Variants in DRC3 observed in about 807,000 individuals in gnomAD.
DRC3 encodes dynein regulatory complex subunit 3, also known as leucine rich repeat containing 48.
In DRC3, 45 loss-of-function variants were observed where a neutral mutation model predicts 57.6. The observed-to-expected ratio is 0.78, with a 90% CI of 0.62 to 1.00. The LOEUF (loss-of-function observed/expected upper bound fraction) is 1.00. DRC3 is among the 50% of genes least tolerant of loss of function. The pLI, the probability that DRC3 is intolerant of heterozygous loss-of-function variation, is 0.00. For synonymous variants in DRC3, 257 were observed against 272.3 expected (o/e 0.94, Z 0.55); for missense variants, 655 against 675.2 (o/e 0.97, Z 0.33).
intron 12 of DRC3, chr17:18,007,434 G>A (rs940339235): frequency 6.4e-7 from 1 of 1,551,344 alleles, no homozygotes; most frequent in African/African-American, 1.4e-5. Context: ...GGAGGCTTCT[G>A]GCACTTTCTA....
intron 9 of DRC3, among the ~76,000 whole-genome samples, chr17:17,999,535 C>T (rs922949678): frequency 6.6e-6 from 1 of 152,218 alleles, no homozygotes; most frequent in Non-Finnish European, 1.5e-5. Context: ...ACGCTCCTCC[C>T]ACTCATCCCC....
At chr17:17,987,882 C>G in intron 4 of DRC3, 50 bp from the exon 5 acceptor site, 1 of 1,591,816 alleles carries the variant, frequency 6.3e-7, no homozygotes, top group East Asian at 2.2e-5. Context: ...TCAGGACAGC[C>G]CATCCCCTGA....
chr17:17,979,693 C>G (rs779651316), intron 3 of DRC3, among the ~76,000 whole-genome samples: 2 of 152,182 alleles, frequency 1.3e-5, no homozygotes, highest in Non-Finnish European at 2.9e-5. Context: ...GCAGGAGCCA[C>G]AGGGGGAGTG....
At chr17:18,000,103 T>A (rs1050651115) in intron 9 of DRC3, among the ~76,000 whole-genome samples, 21 of 147,848 alleles carry the variant, frequency 1.4e-4, no homozygotes, top group African/African-American at 5.4e-4. Context: ...TGTGTGTGTG[T>A]GTGAGCATAG....
chr17:18,009,685 A>G (rs1222110685), intron 12 of DRC3, among the ~76,000 whole-genome samples: 1 of 152,202 alleles, frequency 6.6e-6, no homozygotes, highest in African/African-American at 2.4e-5. Flanking sequence ...ACTGTATAGC[A>G]AGATGGGGAT....
intron 3 of DRC3, 124 bp from the exon 4 acceptor site, chr17:17,983,704 C>T (rs554926567): frequency 5.3e-5 from 34 of 643,784 alleles, no homozygotes; most frequent in South Asian, 2.7e-4. Flanking sequence ...AGGGTGCCTG[C>T]GTACTCCAGG....
At chr17:17,973,533 G>T (rs896273091) in intron 1 of DRC3, 4 of 152,144 alleles carry the variant, frequency 2.6e-5, no homozygotes, top group African/African-American at 9.7e-5. Flanking sequence ...GAGCTTACAT[G>T]TACTTAAATA....
intron 3 of DRC3, among the ~76,000 whole-genome samples, chr17:17,983,025 A>T (rs2042782199): frequency 6.6e-6 from 1 of 152,170 alleles, no homozygotes; most frequent in African/African-American, 2.4e-5. Flanking sequence ...TACAGTACAT[A>T]TTTACTTATA....
intron 5 of DRC3, chr17:17,988,397 G>A: frequency 5.3e-6 from 2 of 374,404 alleles, no homozygotes; most frequent in Non-Finnish European, 1.0e-5. Flanking sequence ...TGTTAGTGTT[G>A]GGCGTATGTC....
intron 11 of DRC3, 42 bp from the exon 12 acceptor site, chr17:18,006,982 G>A (rs752280795): frequency 6.8e-6 from 11 of 1,609,684 alleles, no homozygotes; most frequent in Middle Eastern, 1.6e-4. Context: ...GGGACGCGCC[G>A]GGCCTGCTCC....
At chr17:18,011,413 A>G (rs968702906) in intron 12 of DRC3, 22 of 291,522 alleles carry the variant, frequency 7.5e-5, no homozygotes, top group Non-Finnish European at 1.4e-4. Context: ...CAGAGGGATC[A>G]CTGTCCTGAC....
At chr17:17,993,201 G>C (rs2145329868) in intron 6 of DRC3, 1 of 282,016 alleles carries the variant, frequency 3.5e-6, no homozygotes. Context: ...AGAAGCTGAG[G>C]AGGGCTGGGA....
chr17:18,003,823 T>C (rs2043843872), intron 9 of DRC3, among the ~76,000 whole-genome samples: 1 of 150,630 alleles, frequency 6.6e-6, no homozygotes, highest in East Asian at 2.0e-4. Flanking sequence ...TTTTTTTTTT[T>C]TGTATTTTTA....
intron 12 of DRC3, chr17:18,007,651 G>A: frequency 1.5e-6 from 2 of 1,377,984 alleles, no homozygotes; most frequent in Non-Finnish European, 1.9e-6. Context: ...TCCATCCCTG[G>A]GGTCTGCACG....
chr17:17,984,371 G>T (rs942037106), intron 4 of DRC3, among the ~76,000 whole-genome samples: 2 of 152,040 alleles, frequency 1.3e-5, no homozygotes, highest in Non-Finnish European at 2.9e-5. Context: ...ATGCTAAGTG[G>T]GGCCTATATG....
chr17:18,007,023 C>T lies in DRC3; in HGVS notation c.1203-1C>T, dbSNP rs528447711. ...GGCCTTTGCTTAACTCGGGGCTGCA[C>T]GATGGCTCAGTGCCGGGACCTGGAG... On this transcript the variant is annotated splice_acceptor_variant, in intron 11 of 13. Transcript: ENST00000399187. LOFTEE classifies it high-confidence loss of function. The T allele has an allele frequency of 1.2e-5, 19 of 1,613,082 alleles. No individual in the cohort carries two copies. In the African/African-American group the frequency reaches 1.7e-4, roughly 15 times the overall value.
intron 9 of DRC3, among the ~76,000 whole-genome samples, chr17:18,001,559 G>A (rs1213213995): frequency 5.3e-5 from 8 of 152,126 alleles, no homozygotes; most frequent in African/African-American, 1.9e-4. Flanking sequence ...TTGTGTCAGT[G>A]AAATGAATGG....
rs1182336012 is a variant in DRC3, at chr17:17,987,919, C to T, written c.278-13C>T. The T allele has an allele frequency of 5.6e-6, 9 of 1,613,104 alleles. No homozygotes were observed. The highest frequency in any genetic ancestry group is 6.8e-6 in the Non-Finnish European group (8 of 1,179,346). ...CCAGGCAGCAGACCCTCACAGCCCTCTCTTCTTCCCAGATCTGTCTTTCAA... is the reference window on the plus strand; with the variant it reads ...CCAGGCAGCAGACCCTCACAGCCCTTTCTTCTTCCCAGATCTGTCTTTCAA... On this transcript the variant is annotated splice_polypyrimidine_tract_variant and intron_variant, in intron 4 of 13. Coordinates refer to ENST00000399187, the MANE Select transcript of DRC3 (RefSeq NM_031294.4).
chr17:17,999,935 C>T (rs997738146), intron 9 of DRC3, among the ~76,000 whole-genome samples: 1 of 150,688 alleles, frequency 6.6e-6, no homozygotes, highest in East Asian at 2.0e-4. Flanking sequence ...TGTGTGCGTG[C>T]GTGCACACGC....
Sources: allele counts gnomAD v4.1 joint callset (sites outside exome capture counted in the v4.1 genomes callset), GRCh38; gene constraint gnomAD v4.1.1; transcripts MANE v1.5; gene names NCBI Gene and HGNC (gene_info 2026-07-23, HGNC 2026-07-21).